Variants in GPC6 observed in about 807,000 individuals in gnomAD.
GPC6 encodes the protein glypican 6.
GPC6 carries 14 observed loss-of-function variants against 55.2 expected under a neutral mutation model. That is an observed-to-expected ratio of 0.25 (90% CI 0.17 to 0.40). The LOEUF (loss-of-function observed/expected upper bound fraction) is 0.40, where lower values mean the gene tolerates loss of function less well. GPC6 is among the 10% of genes least tolerant of loss of function. The pLI is 1.00. For missense variants in GPC6, 641 were observed against 708.5 expected, an observed-to-expected ratio of 0.90 and a Z score of 1.08; for synonymous variants, 278 against 259.6, an observed-to-expected ratio of 1.07 and a Z score of -0.68.
chr13:93,572,031 C>T (rs1225594391), intron 2 of GPC6, among the ~76,000 whole-genome samples: 5 of 152,134 alleles, frequency 3.3e-5, no homozygotes, highest in African/African-American at 1.2e-4. Flanking sequence ...AATCTTCAAA[C>T]TATAGCTGGG....
chr13:93,301,364 A>C (rs1331060031), intron 1 of GPC6, among the ~76,000 whole-genome samples: 1 of 152,206 alleles, frequency 6.6e-6, no homozygotes, highest in Non-Finnish European at 1.5e-5. Flanking sequence ...AGAGAAAACA[A>C]TATTTAGGAC....
intron 4 of GPC6, among the ~76,000 whole-genome samples, chr13:94,281,853 C>T (rs1566630312): frequency 6.6e-6 from 1 of 152,188 alleles, no homozygotes; most frequent in Non-Finnish European, 1.5e-5. Context: ...TTTGGTGTAC[C>T]ATAATGCCTT....
At chr13:93,747,634 C>T (rs1884442116) in intron 2 of GPC6, among the ~76,000 whole-genome samples, 1 of 152,142 alleles carries the variant, frequency 6.6e-6, no homozygotes, top group Admixed American at 6.5e-5. Flanking sequence ...GGGCAGTATT[C>T]AATAAATTAC....
intron 1 of GPC6, among the ~76,000 whole-genome samples, chr13:93,261,847 G>A (rs1877157973): frequency 6.6e-6 from 1 of 151,682 alleles, no homozygotes; most frequent in African/African-American, 2.4e-5. Flanking sequence ...AAATGTCGTT[G>A]GGAATAAACA....
chr13:93,587,244 T>C (rs1877248113), intron 2 of GPC6, among the ~76,000 whole-genome samples: 1 of 152,094 alleles, frequency 6.6e-6, no homozygotes, highest in South Asian at 2.1e-4. Flanking sequence ...CCTAATAAAG[T>C]AGAGACATAA....
chr13:94,323,642 G>A (rs1876961470), intron 6 of GPC6, among the ~76,000 whole-genome samples: 1 of 152,110 alleles, frequency 6.6e-6, no homozygotes, highest in Admixed American at 6.5e-5. Context: ...GCAATACAAT[G>A]TACAATATTC....
intron 4 of GPC6, among the ~76,000 whole-genome samples, chr13:94,066,200 C>A (rs1000601058): frequency 2.2e-4 from 34 of 152,060 alleles, no homozygotes; most frequent in African/African-American, 8.0e-4. Flanking sequence ...TGTAGATATT[C>A]ATGGTCTAAT....
At chr13:93,612,385 G>A (rs571719834) in intron 2 of GPC6, among the ~76,000 whole-genome samples, 1 of 152,202 alleles carries the variant, frequency 6.6e-6, no homozygotes, top group South Asian at 2.1e-4. Flanking sequence ...TGTTGTCCCA[G>A]CTACTAGGGA....
intron 5 of GPC6, among the ~76,000 whole-genome samples, chr13:94,296,615 A>G (rs557656317): frequency 1.0e-3 from 157 of 152,310 alleles, no homozygotes; most frequent in African/African-American, 3.5e-3. Flanking sequence ...GTGATATGCA[A>G]TCTGGTTTGG....
chr13:93,993,422 T>C (rs1461258544), intron 3 of GPC6, among the ~76,000 whole-genome samples: 1 of 151,632 alleles, frequency 6.6e-6, no homozygotes, highest in Non-Finnish European at 1.5e-5. Context: ...GCCTCCTGAG[T>C]AGCTGGAATT....
intron 4 of GPC6, among the ~76,000 whole-genome samples, chr13:94,071,830 G>A (rs1782861589): frequency 6.6e-6 from 1 of 152,120 alleles, no homozygotes; most frequent in Non-Finnish European, 1.5e-5. Flanking sequence ...TAAAAAAGTG[G>A]TAGCTAACAG....
chr13:93,272,171 T>C (rs1019072884), intron 1 of GPC6, among the ~76,000 whole-genome samples: 1 of 152,114 alleles, frequency 6.6e-6, no homozygotes, highest in Non-Finnish European at 1.5e-5. Context: ...ACTAGACCAC[T>C]TTGGGGCATA....
chr13:93,885,444 T>A (rs1004335137), intron 3 of GPC6, among the ~76,000 whole-genome samples: 2 of 150,618 alleles, frequency 1.3e-5, no homozygotes, highest in East Asian at 3.9e-4. Flanking sequence ...TTTTACAAAA[T>A]TCTCTGGGGA....
intron 2 of GPC6, among the ~76,000 whole-genome samples, chr13:93,723,932 T>A (rs980292109): frequency 6.6e-6 from 1 of 151,978 alleles, no homozygotes; most frequent in Non-Finnish European, 1.5e-5. Flanking sequence ...CTTGTTAAGG[T>A]TGAACAGAGA....
At chr13:93,686,566 T>G (rs1882054753) in intron 2 of GPC6, among the ~76,000 whole-genome samples, 1 of 152,174 alleles carries the variant, frequency 6.6e-6, no homozygotes, top group Non-Finnish European at 1.5e-5. Context: ...CAGCATTTAT[T>G]TGGTGAGAAA....
At chr13:94,115,851 A>G (rs1886414757) in intron 4 of GPC6, among the ~76,000 whole-genome samples, 1 of 152,110 alleles carries the variant, frequency 6.6e-6, no homozygotes, top group Admixed American at 6.6e-5. Flanking sequence ...GTAAATAAGA[A>G]TATTTTTTCA....
At chr13:93,362,163 G>A (rs1330747289) in intron 1 of GPC6, among the ~76,000 whole-genome samples, 5 of 152,172 alleles carry the variant, frequency 3.3e-5, no homozygotes, top group Non-Finnish European at 7.3e-5. Flanking sequence ...CTAATCAGAG[G>A]ACAGCTTGTG....
intron 2 of GPC6, among the ~76,000 whole-genome samples, chr13:93,604,730 G>A (rs1442676774): frequency 6.6e-6 from 1 of 152,176 alleles, no homozygotes; most frequent in Non-Finnish European, 1.5e-5. Flanking sequence ...ATGTGGAGAA[G>A]AGCAAACAAC....
chr13:93,699,471 A>C (rs1298834397), intron 2 of GPC6, among the ~76,000 whole-genome samples: 1 of 152,142 alleles, frequency 6.6e-6, no homozygotes, highest in African/African-American at 2.4e-5. Context: ...CACTGTACAG[A>C]GAGGTGGTCA....
Sources: gnomAD v4.1 joint callset for allele counts (sites outside exome capture counted in the v4.1 genomes callset) on GRCh38, gnomAD v4.1.1 for gene constraint, MANE v1.5 for transcripts, NCBI Gene and HGNC (gene_info 2026-07-23, HGNC 2026-07-21) for gene names.